TAB1: variants seen among roughly 807,000 people sequenced by gnomAD.
TAB1 encodes TGF-beta activated kinase 1 (MAP3K7) binding protein 1.
TAB1 carries 30 observed loss-of-function variants against 54.5 expected under a neutral mutation model. The observed-to-expected ratio is 0.55, with a 90% confidence interval of 0.41 to 0.75. The LOEUF is 0.75. Among genes scored for constraint, TAB1 ranks in the 30% least tolerant of loss-of-function variants. TAB1 has a pLI of 0.00. For missense variants in TAB1, 609 were observed against 683.2 expected (o/e 0.89, Z 1.21); for synonymous variants, 289 against 286.9 (o/e 1.01, Z -0.07).
At position 39,399,845 on chromosome 22, in the gene TAB1, A is replaced by T. The variant is rs758238257; in HGVS notation, c.33+10A>T. On this transcript the variant is annotated intron_variant, in intron 1 of 10. Transcript: ENST00000216160. Reference sequence around the variant, plus strand: ...GAGCTTGCTGCAGAGTGTGAGGAACAGGCCCGCTCTCTGGGCTTGGGGTTG... The same window carrying T: ...GAGCTTGCTGCAGAGTGTGAGGAACTGGCCCGCTCTCTGGGCTTGGGGTTG... 1.9e-6 allele frequency: 3 copies of T among 1,594,832 alleles called. No homozygotes were observed. The highest frequency in any genetic ancestry group is 4.5e-5 in the East Asian group (2 of 44,068).
chr22:39,415,788 C>T lies in TAB1; in HGVS notation c.324+135C>T. 8.3e-7 allele frequency: 1 copy of T among 1,204,816 alleles called. No homozygotes were observed. The highest frequency in any genetic ancestry group is 1.1e-6 in the Non-Finnish European group (1 of 877,684). The allele number at this position is 1,204,816 out of a possible 1,614,324, so 74.6% of individuals were successfully genotyped here. Reference sequence around the variant, plus strand: ...CCCCTTCACCCCAGTAGAGGAGCAGCTCCCAGCGTAGGCCCCCCCACCCAA... The same window carrying T: ...CCCCTTCACCCCAGTAGAGGAGCAGTTCCCAGCGTAGGCCCCCCCACCCAA... On this transcript the variant is annotated intron_variant, in intron 3 of 10. Coordinates refer to ENST00000216160, the MANE Select transcript of TAB1 (RefSeq NM_006116.3). This position sits in a 1 kb window ranked among gnomAD's most constrained non-coding sequence, Gnocchi z 4.9.
In TAB1 at chr22:39,428,165, C is replaced by G. The variant is rs1458129174; in HGVS notation, c.1289C>G (p.Ala430Gly). The part of the protein sequence containing the change: ...GAHSASTLDE[A>G]TPTLTNQSPT... Reference sequence around the variant, plus strand: ...CACAGTGCTTCCACCCTGGACGAAGCCACCCCCACCCTCACCAAGTAAGTC... The same window carrying G: ...CACAGTGCTTCCACCCTGGACGAAGGCACCCCCACCCTCACCAAGTAAGTC... The change falls in exon 10 of 11, where the codon GCC becomes GGC. Residue 430 changes from alanine to glycine, a missense_variant. Ala to Gly is a moderately conservative substitution (Grantham distance 60). Transcript: ENST00000216160. 6.2e-7 allele frequency: 1 copy of G among 1,605,756 alleles called. No homozygotes were observed. Among genetic ancestry groups the G allele is most frequent in the East Asian group, 2.2e-5 (1 of 44,718 alleles).
At chr22:39,409,568 G>A (rs1926520471) in intron 1 of TAB1, among the ~76,000 whole-genome samples, 1 of 152,196 alleles carries the variant, frequency 6.6e-6, no homozygotes, top group South Asian at 2.1e-4. Context: ...CCGTAAACCT[G>A]ACATGCTTTT....
rs375046788 is a variant in TAB1, at chr22:39,415,621, G to T, written c.292G>T (p.Ala98Ser). The change falls in exon 3 of 11, where the codon GCC becomes TCC. Residue 98 changes from alanine (A) to serine (S), a missense_variant. Ala to Ser is a moderately conservative substitution (Grantham distance 99). Transcript: ENST00000216160. This position sits in a 1 kb window ranked among gnomAD's most constrained non-coding sequence, Gnocchi z 4.9. ...LLLGQLNAEH[A>S]EADVRRVLLQ... Reference sequence around the variant, plus strand: ...GCTGGGCCAGCTGAATGCCGAGCACGCCGAGGCCGATGTGCGGCGTGTGCT... The same window carrying T: ...GCTGGGCCAGCTGAATGCCGAGCACTCCGAGGCCGATGTGCGGCGTGTGCT... 2 of 1,612,820 alleles carry T rather than the reference G, an allele frequency of 1.2e-6. No homozygotes were observed. Among genetic ancestry groups the T allele is most frequent in the Admixed American group, 1.7e-5 (1 of 60,022 alleles).
rs989853154 is a variant in TAB1 at position 39,431,293 on chromosome 22, G to C, written c.*1071G>C. The C allele has an allele frequency of 7.1e-6, 7 of 985,472 alleles. No individual in the cohort carries two copies. The South Asian group carries it at 3.3e-4, about 46-fold the overall frequency. 61.0% of individuals were successfully genotyped at this position (985,472 alleles called of 1,614,324 possible). On this transcript the variant is annotated 3_prime_UTR_variant, in exon 11 of 11. Coordinates refer to ENST00000216160, the MANE Select transcript of TAB1 (RefSeq NM_006116.3). Reference sequence around the variant, plus strand: ...CATGTTCTCTGCCTTCAGTGGGGAGGGGGTGCCACCAGGGCTGTCGGCCAG... The same window carrying C: ...CATGTTCTCTGCCTTCAGTGGGGAGCGGGTGCCACCAGGGCTGTCGGCCAG...
rs2145667193 is a variant in TAB1, at chr22:39,415,290, C to G, written c.170+148C>G. On this transcript the variant is annotated intron_variant, in intron 2 of 10. Transcript: ENST00000216160. This position sits in a 1 kb window ranked among gnomAD's most constrained non-coding sequence, Gnocchi z 4.9. ...GCCTCTGCTGCTGTCTTGCCAAGGGCCTGCTCTGATGGGGTAGCGTGAGCA... is the reference window on the plus strand; with the variant it reads ...GCCTCTGCTGCTGTCTTGCCAAGGGGCTGCTCTGATGGGGTAGCGTGAGCA... 5 of 1,159,464 alleles carry G rather than the reference C, an allele frequency of 4.3e-6. No individual in the cohort carries two copies. The highest frequency in any genetic ancestry group is 6.0e-6 in the Non-Finnish European group (5 of 831,090). The allele number at this position is 1,159,464 out of a possible 1,614,324, so 71.8% of individuals were successfully genotyped here.
chr22:39,425,635 C>A (rs1425173362), intron 8 of TAB1, among the ~76,000 whole-genome samples: 2 of 150,840 alleles, frequency 1.3e-5, no homozygotes, highest in Non-Finnish European at 2.9e-5. Context: ...GCTTACTGAT[C>A]ACCTCCCGGG....
Position 39,428,133 on chromosome 22 carries a change from C to T in TAB1, c.1257C>T (p.Asn419=), listed in dbSNP as rs557286549. Residue 419 remains asparagine, a synonymous_variant, in exon 10 of 11, where the codon AAC becomes AAT. Transcript: ENST00000216160. ...LVMPSQGQMV[N]GAHSASTLDE... ...TGCCCTCCCAGGGCCAGATGGTCAACGGGGCTCACAGTGCTTCCACCCTGG... is the reference window on the plus strand; with the variant it reads ...TGCCCTCCCAGGGCCAGATGGTCAATGGGGCTCACAGTGCTTCCACCCTGG... 32 of 1,613,670 alleles carry T rather than the reference C, an allele frequency of 2.0e-5. No individual in the cohort carries two copies. Among genetic ancestry groups the T allele is most frequent in the East Asian group, 4.5e-5 (2 of 44,882 alleles).
At chr22:39,412,892 CTTTT>C (rs34847488) in intron 1 of TAB1, among the ~76,000 whole-genome samples, 1 of 90,464 alleles carries the variant, frequency 1.1e-5, no homozygotes, top group African/African-American at 4.4e-5. Flanking sequence ...TATCCTGCAA[CTTTT>C]TTTTTTTTTT....
At chr22:39,429,492 T>C (rs1927494033) in intron 10 of TAB1, 2 of 567,064 alleles carry the variant, frequency 3.5e-6, no homozygotes, top group Non-Finnish European at 4.5e-6. Flanking sequence ...TTTCCATTTT[T>C]TTGAGACGGA....
At chr22:39,423,268 G>A (rs1264117102) in intron 8 of TAB1, among the ~76,000 whole-genome samples, 1 of 152,174 alleles carries the variant, frequency 6.6e-6, no homozygotes, top group South Asian at 2.1e-4. Context: ...GGGATTGTAG[G>A]CATGAGCCAC....
At chr22:39,436,628 G>C, downstream of TAB1, 1 of 1,383,444 alleles carries the variant, frequency 7.2e-7, no homozygotes, top group Non-Finnish European at 1.0e-6. Context: ...CTGGGGTTTT[G>C]TCGCCTGGTC....
intron 8 of TAB1, among the ~76,000 whole-genome samples, chr22:39,426,080 A>T (rs1927321910): frequency 6.6e-6 from 1 of 151,978 alleles, no homozygotes. Context: ...GCTGGTCTCG[A>T]TCTCCTGACC....
rs914489242 is a variant in TAB1 at position 39,426,875 on chromosome 22, T to A, written c.1094T>A (p.Phe365Tyr). ...HEDMTLLVRN[F>Y]GYPLGEMSQP... ...GACATGACCCTGCTAGTGAGGAACT[T>A]TGGCTACCCGCTGGGCGAAATGAGC... The change falls in exon 9 of 11, where the codon TTT (phenylalanine) becomes TAT (tyrosine). Residue 365 changes from phenylalanine (F) to tyrosine (Y), a missense_variant. Transcript: ENST00000216160. 18 of 1,612,992 alleles carry A rather than the reference T, an allele frequency of 1.1e-5. No individual in the cohort carries two copies. Among genetic ancestry groups the A allele is most frequent in the Non-Finnish European group, 1.5e-5 (18 of 1,179,938 alleles).
chr22:39,415,713 G>C lies in TAB1; in HGVS notation c.324+60G>C. ...ATCATGTCCCCCACCCCAAGGCTTG[G>C]GCCCTGCACCTCTAGCATGTTGCCA... On this transcript the variant is annotated intron_variant, in intron 3 of 10. Coordinates refer to ENST00000216160, the MANE Select transcript of TAB1 (RefSeq NM_006116.3). This position sits in a 1 kb window ranked among gnomAD's most constrained non-coding sequence, Gnocchi z 4.9. 1.9e-6 allele frequency: 3 copies of C among 1,567,756 alleles called. No individual in the cohort carries two copies. Among genetic ancestry groups the C allele is most frequent in the Non-Finnish European group, 2.6e-6 (3 of 1,158,496 alleles).
rs924569314 is a variant in TAB1, at chr22:39,415,278, T to A, written c.170+136T>A. The A allele has an allele frequency of 4.9e-6, 6 of 1,213,842 alleles. No individual in the cohort carries two copies. The Admixed American group carries it at 1.3e-4, about 26-fold the overall frequency. The allele number at this position is 1,213,842 out of a possible 1,614,324, so 75.2% of individuals were successfully genotyped here. On this transcript the variant is annotated intron_variant, in intron 2 of 10. Transcript: ENST00000216160. This position sits in a 1 kb window ranked among gnomAD's most constrained non-coding sequence, Gnocchi z 4.9. The stretch of plus-strand genomic sequence containing the variant: ...CCGTGAGAGGTGGCCTCTGCTGCTG[T>A]CTTGCCAAGGGCCTGCTCTGATGGG...
chr22:39,408,570 T>C (rs777335160), intron 1 of TAB1, among the ~76,000 whole-genome samples: 2 of 152,062 alleles, frequency 1.3e-5, no homozygotes, highest in Non-Finnish European at 2.9e-5. Context: ...GTGTGCGATC[T>C]CGGCTCTCTG....
intron 10 of TAB1, 68 bp from the exon 11 acceptor site, chr22:39,429,947 T>TC: frequency 6.3e-6 from 10 of 1,595,828 alleles, no homozygotes; most frequent in Non-Finnish European, 7.7e-6. Flanking sequence ...GGCCATTCTG[T>TC]CCCCACTCTG....
intron 1 of TAB1, among the ~76,000 whole-genome samples, chr22:39,409,984 A>G (rs35873130): frequency 0.012 from 1,891 of 152,368 alleles, 39 homozygotes; most frequent in African/African-American, 0.043. Context: ...CTGTAATCAC[A>G]TAATATCATA....
Sources: allele counts gnomAD v4.1 joint callset (sites outside exome capture counted in the v4.1 genomes callset), GRCh38; gene constraint gnomAD v4.1.1; non-coding constraint Gnocchi (gnomAD v3.1); transcripts MANE v1.5; gene names NCBI Gene and HGNC (gene_info 2026-07-23, HGNC 2026-07-21).